The following KLHL6 variants were observed in gnomAD, a reference collection of about 807,000 sequenced individuals.
KLHL6 encodes the protein kelch like family member 6, also known as kelch-like protein 6.
In KLHL6, 41 loss-of-function variants were observed where a neutral mutation model predicts 58.6. That is an observed-to-expected ratio of 0.70 (90% CI 0.55 to 0.91). KLHL6 has a LOEUF of 0.91. KLHL6 is among the 40% of genes least tolerant of loss of function. The pLI, the probability that KLHL6 is intolerant of heterozygous loss-of-function variation, is 0.00. For synonymous variants in KLHL6, 338 were observed against 322.7 expected, an observed-to-expected ratio of 1.05 and a Z score of -0.51; for missense variants, 714 against 805.6, an observed-to-expected ratio of 0.89 and a Z score of 1.38.
chr3:183,527,805 C>T, intron 2 of KLHL6, 40 bp downstream of exon 2: 2 of 1,605,784 alleles, frequency 1.2e-6, no homozygotes, highest in Non-Finnish European at 1.7e-6. Flanking sequence ...CTGCATTCAC[C>T]TGCTTCAGAG....
intron 2 of KLHL6, among the ~76,000 whole-genome samples, chr3:183,510,258 C>T (rs925603206): frequency 6.4e-5 from 8 of 125,358 alleles, no homozygotes; most frequent in South Asian, 2.4e-4. Flanking sequence ...ATGGGTTGAT[C>T]GATTAATGGG....
At chr3:183,546,779 C>T (rs776935796) in intron 1 of KLHL6, among the ~76,000 whole-genome samples, 4 of 152,138 alleles carry the variant, frequency 2.6e-5, no homozygotes, top group Non-Finnish European at 5.9e-5. Flanking sequence ...TTGCTGGGAT[C>T]GGTAGACGTA....
At chr3:183,525,315 C>T (rs1353843216) in intron 2 of KLHL6, among the ~76,000 whole-genome samples, 3 of 148,014 alleles carry the variant, frequency 2.0e-5, no homozygotes, top group Non-Finnish European at 4.5e-5. Flanking sequence ...TGGTCTCTTA[C>T]AATCCTAACC....
In KLHL6 at chr3:183,489,457, TA is replaced by T. The variant is rs1717483717; in HGVS notation, c.*2469del. The T allele has an allele frequency of 6.6e-6, 1 of 152,120 alleles. No homozygotes were observed. The highest frequency in any genetic ancestry group is 1.5e-5 in the Non-Finnish European group (1 of 68,018). 9.4% of individuals were successfully genotyped at this position (152,120 alleles called of 1,614,324 possible). A position where few individuals can be genotyped will look rare whatever the true frequency, so the allele number is the denominator to read the frequency against. On this transcript the variant is annotated 3_prime_UTR_variant, in exon 7 of 7. Coordinates refer to ENST00000341319, the MANE Select transcript of KLHL6 (RefSeq NM_130446.4). The stretch of plus-strand genomic sequence containing the variant: ...TCATTTTTAGCTAACTTGAAGAAAA[TA>T]AAAACAAGAATATTAACTGGTGGCC...
Position 183,555,347 on chromosome 3 carries a change from C to T in KLHL6, c.293+14G>A. On this transcript the variant is annotated intron_variant, in intron 1 of 6. Coordinates refer to ENST00000341319, the MANE Select transcript of KLHL6 (RefSeq NM_130446.4). ...ACTTGCACCCAATTTGACTCTGGTC[C>T]TAGGCATGCTGACCTGAAATAGTTG... 1 of 1,611,884 alleles carries T rather than the reference C, an allele frequency of 6.2e-7. No homozygotes were observed. Among genetic ancestry groups the T allele is most frequent in the Non-Finnish European group, 8.5e-7 (1 of 1,178,526 alleles).
intron 2 of KLHL6, among the ~76,000 whole-genome samples, chr3:183,523,425 G>A (rs1344477154): frequency 6.6e-6 from 1 of 152,344 alleles, no homozygotes; most frequent in Non-Finnish European, 1.5e-5. Context: ...TTCTGTGGGA[G>A]CCCCTCCTGG....
chr3:183,536,445 G>A (rs1337213149), intron 1 of KLHL6, among the ~76,000 whole-genome samples: 2 of 152,204 alleles, frequency 1.3e-5, no homozygotes, highest in African/African-American at 4.8e-5. Context: ...GGACTTCCGG[G>A]AGCCTGGGGA....
rs566992316 is a variant in KLHL6, at chr3:183,549,117, C to A, written c.293+6244G>T. Among the ~76,000 whole-genome samples, 291 of 148,514 alleles carry A rather than the reference C, an allele frequency of 2.0e-3. 9 individuals carry two copies. The highest frequency in any genetic ancestry group is 7.2e-3 in the African/African-American group (272 of 38,000). On this transcript the variant is annotated intron_variant, in intron 1 of 6. Transcript: ENST00000341319. ...CCATGGCACGTGTATACCTATGTAA[C>A]AAACCCGCGCATTCTGCACATGTAT...
At chr3:183,547,191 G>C (rs1300297384) in intron 1 of KLHL6, among the ~76,000 whole-genome samples, 3 of 152,182 alleles carry the variant, frequency 2.0e-5, no homozygotes, top group Non-Finnish European at 4.4e-5. Context: ...GGGATTACAG[G>C]AGTAAGCCAC....
chr3:183,510,743 A>T (rs11719758), intron 2 of KLHL6, among the ~76,000 whole-genome samples: 1 of 151,770 alleles, frequency 6.6e-6, no homozygotes, highest in Non-Finnish European at 1.5e-5. Context: ...GCGTGGTGGC[A>T]CATGCCTGTA....
At chr3:183,507,887 C>T (rs1191901364) in intron 3 of KLHL6, among the ~76,000 whole-genome samples, 172 bp downstream of exon 3, 1 of 152,148 alleles carries the variant, frequency 6.6e-6, no homozygotes, top group Non-Finnish European at 1.5e-5. Context: ...GGATCGGCCT[C>T]ATAGATCAGG....
intron 4 of KLHL6, among the ~76,000 whole-genome samples, chr3:183,497,536 G>A (rs766026822): frequency 1.3e-5 from 2 of 152,240 alleles, no homozygotes; most frequent in Non-Finnish European, 2.9e-5. Flanking sequence ...GCACCCAGAG[G>A]GGGTGAGGGG....
chr3:183,524,575 G>A (rs1711884050), intron 2 of KLHL6, among the ~76,000 whole-genome samples: 1 of 152,180 alleles, frequency 6.6e-6, no homozygotes, highest in Non-Finnish European at 1.5e-5. Flanking sequence ...CTGTAAACTG[G>A]CCAGCAGCTC....
Position 183,499,391 on chromosome 3 carries a change from G to T in KLHL6, c.1147+199C>A, listed in dbSNP as rs1212787674. 1.3e-5 allele frequency among the ~76,000 whole-genome samples: 2 copies of T among 152,066 alleles called. No individual in the cohort carries two copies. The highest frequency in any genetic ancestry group is 4.8e-5 in the African/African-American group (2 of 41,422). ...GAAAAGAAAAAAATAGTACAATGTT[G>T]CTCAGTTTTTTGTTTATTAAGTAGC... On this transcript the variant is annotated intron_variant, in intron 4 of 6. Coordinates refer to ENST00000341319, the MANE Select transcript of KLHL6 (RefSeq NM_130446.4). This position sits in a 1 kb window ranked among gnomAD's most constrained non-coding sequence, Gnocchi z 4.6.
chr3:183,500,871 A>G (rs569567426), intron 3 of KLHL6, among the ~76,000 whole-genome samples: 6 of 152,206 alleles, frequency 3.9e-5, no homozygotes, highest in Non-Finnish European at 8.8e-5. Flanking sequence ...GATTCTGCCC[A>G]TAGGTGGTAA....
At chr3:183,547,114 T>C (rs1054880106) in intron 1 of KLHL6, among the ~76,000 whole-genome samples, 2 of 152,152 alleles carry the variant, frequency 1.3e-5, no homozygotes, top group East Asian at 1.9e-4. Flanking sequence ...TGTTTCACCA[T>C]GTTGGCCAGG....
At chr3:183,507,996 G>T in intron 3 of KLHL6, 63 bp downstream of exon 3, 2 of 1,440,830 alleles carry the variant, frequency 1.4e-6, no homozygotes, top group Non-Finnish European at 1.9e-6. Context: ...TTGCATCTCT[G>T]TGAGCCCCTA....
intron 2 of KLHL6, among the ~76,000 whole-genome samples, chr3:183,527,486 C>T (rs574997603): frequency 5.6e-4 from 86 of 152,240 alleles, no homozygotes; most frequent in Middle Eastern, 3.4e-3. Flanking sequence ...ACATCAGTAA[C>T]CCCAAACCAC....
chr3:183,548,786 A>AAAACGAGAATGAGTTAAGG (rs1712809248), intron 1 of KLHL6: 1 of 152,058 alleles, frequency 6.6e-6, no homozygotes, highest in African/African-American at 2.4e-5. Context: ...AGTGCCAAGA[A>AAAACGAGAATGAGTTAAGG]CATATACACC....
Sources: gnomAD v4.1 joint callset for allele counts (sites outside exome capture counted in the v4.1 genomes callset) on GRCh38, gnomAD v4.1.1 for gene constraint, Gnocchi (gnomAD v3.1) non-coding constraint, MANE v1.5 for transcripts, NCBI Gene and HGNC (gene_info 2026-07-23, HGNC 2026-07-21) for gene names.